The following ATP9B variants were observed in gnomAD, a reference collection of about 807,000 sequenced individuals.
The protein encoded by ATP9B is ATPase phospholipid transporting 9B, also known as probable phospholipid-transporting ATPase IIB.
In ATP9B, 110 loss-of-function variants were observed where a neutral mutation model predicts 146.1. The ratio of observed to expected loss-of-function variants is 0.75; its 90% CI spans 0.65 to 0.88. The LOEUF (loss-of-function observed/expected upper bound fraction) is 0.88, where lower values mean the gene tolerates loss of function less well. ATP9B is among the 40% of genes least tolerant of loss of function. The pLI is 0.00. For missense variants in ATP9B, 1,499 were observed against 1,496.4 expected, an observed-to-expected ratio of 1.00 and a Z score of -0.03; for synonymous variants, 604 against 569.7, an observed-to-expected ratio of 1.06 and a Z score of -0.86.
chr18:79,259,475 A>G lies in ATP9B; in HGVS notation c.1268+5934A>G, dbSNP rs558689733. On this transcript the variant is annotated intron_variant, in intron 12 of 29. Transcript: ENST00000426216. ...GCTAGAGGCAGAATGTTGTTTGACA[A>G]AGTGATAAAGGTGTTCCTTCTGAGA... Among the ~76,000 whole-genome samples the G allele has an allele frequency of 1.8e-4, 27 of 152,352 alleles. No individual in the cohort carries two copies. The South Asian group carries it at 2.5e-3, about 14-fold the overall frequency.
Position 79,344,250 on chromosome 18 carries a change from T to C in ATP9B, c.2383-15T>C. 6.2e-7 allele frequency: 1 copy of C among 1,611,708 alleles called. No individual in the cohort carries two copies. The highest frequency in any genetic ancestry group is 8.5e-7 in the Non-Finnish European group (1 of 1,177,868). On this transcript the variant is annotated splice_polypyrimidine_tract_variant and intron_variant, in intron 20 of 29. Transcript: ENST00000426216. ...CAACATTTTAATTTGGGATTCTTTT[T>C]CTCCCTTAATGGAGGTAACCAGTCG... is the stretch of plus-strand genomic sequence containing the variant.
At chr18:79,295,932 A>G (rs1436575342) in intron 13 of ATP9B, among the ~76,000 whole-genome samples, 1 of 152,226 alleles carries the variant, frequency 6.6e-6, no homozygotes, top group Non-Finnish European at 1.5e-5. Flanking sequence ...GAGCTATGAG[A>G]AGTAAATGTT....
chr18:79,293,367 A>T (rs944363667), intron 13 of ATP9B, among the ~76,000 whole-genome samples: 1 of 152,092 alleles, frequency 6.6e-6, no homozygotes, highest in Non-Finnish European at 1.5e-5. Flanking sequence ...GGCCGTTAAG[A>T]GGCAAGTGGG....
chr18:79,201,276 G>A (rs1251115662), intron 9 of ATP9B, among the ~76,000 whole-genome samples: 1 of 152,082 alleles, frequency 6.6e-6, no homozygotes, highest in South Asian at 2.1e-4. Context: ...TTTCAAAAAG[G>A]AAGAGAATAA....
intron 9 of ATP9B, among the ~76,000 whole-genome samples, chr18:79,206,387 G>A (rs948116899): frequency 1.3e-5 from 2 of 152,160 alleles, no homozygotes; most frequent in Non-Finnish European, 2.9e-5. Context: ...ACAAGAGATA[G>A]AGAGAGGAAA....
Position 79,193,179 on chromosome 18 carries a change from C to G in ATP9B, c.874-4C>G, listed in dbSNP as rs956829910. The G allele has an allele frequency of 3.1e-6, 5 of 1,591,420 alleles. No individual in the cohort carries two copies. Among genetic ancestry groups the G allele is most frequent in the Non-Finnish European group, 3.4e-6 (4 of 1,161,634 alleles). ...CTAATCGATTCAAATGTTCTGTATTCCAGGACCTTTTTTCTATCAGTGCTT... is the reference window on the plus strand; with the variant it reads ...CTAATCGATTCAAATGTTCTGTATTGCAGGACCTTTTTTCTATCAGTGCTT... On this transcript the variant is annotated splice_region_variant and splice_polypyrimidine_tract_variant and intron_variant, in intron 8 of 29. Coordinates refer to ENST00000426216, the MANE Select transcript of ATP9B (RefSeq NM_198531.5).
chr18:79,224,171 AG>A (rs2095707311), intron 11 of ATP9B, among the ~76,000 whole-genome samples: 1 of 152,240 alleles, frequency 6.6e-6, no homozygotes, highest in Non-Finnish European at 1.5e-5. Context: ...AATTTATTCA[AG>A]AAGCAAGTAT....
At chr18:79,099,623 T>A (rs2075104127) in intron 2 of ATP9B, among the ~76,000 whole-genome samples, 1 of 152,162 alleles carries the variant, frequency 6.6e-6, no homozygotes, top group Non-Finnish European at 1.5e-5. Flanking sequence ...CCTAGTTAAC[T>A]TTTTATAATT....
At chr18:79,196,867 C>G (rs150400264) in intron 9 of ATP9B, among the ~76,000 whole-genome samples, 27 of 152,238 alleles carry the variant, frequency 1.8e-4, no homozygotes, top group African/African-American at 5.8e-4. Flanking sequence ...AAGAAAGATG[C>G]TATAAGATAA....
chr18:79,269,381 T>C (rs2145518583), intron 12 of ATP9B, among the ~76,000 whole-genome samples: 1 of 152,356 alleles, frequency 6.6e-6, no homozygotes, highest in African/African-American at 2.4e-5. Context: ...GCTGTTAAAC[T>C]AAGGAATTTC....
At chr18:79,131,139 C>T (rs559271987) in intron 5 of ATP9B, among the ~76,000 whole-genome samples, 18 of 151,690 alleles carry the variant, frequency 1.2e-4, no homozygotes, top group Admixed American at 5.9e-4. Flanking sequence ...CCAGCCTGGG[C>T]GAAAGAGCAA....
chr18:79,186,074 T>C (rs1015641951), intron 8 of ATP9B, among the ~76,000 whole-genome samples: 4 of 152,200 alleles, frequency 2.6e-5, no homozygotes. Flanking sequence ...TTGGGAAATA[T>C]GTTTCTGGCT....
intron 10 of ATP9B, among the ~76,000 whole-genome samples, chr18:79,213,055 G>A (rs1032298165): frequency 6.6e-6 from 1 of 152,132 alleles, no homozygotes; most frequent in Non-Finnish European, 1.5e-5. Context: ...ACTTCAAAGA[G>A]CCTGTCTTAT....
At chr18:79,081,547 C>G (rs2073263126) in intron 1 of ATP9B, among the ~76,000 whole-genome samples, 1 of 150,946 alleles carries the variant, frequency 6.6e-6, no homozygotes, top group Non-Finnish European at 1.5e-5. Context: ...TTCAGCTAAT[C>G]TTTTCAAAAA....
At chr18:79,333,771 G>A (rs1207115234) in intron 17 of ATP9B, among the ~76,000 whole-genome samples, 5 of 152,318 alleles carry the variant, frequency 3.3e-5, no homozygotes, top group Admixed American at 6.5e-5. Context: ...CATTGCGGCC[G>A]TAGCTAAGTT....
intron 26 of ATP9B, chr18:79,372,584 G>A (rs531234258): frequency 1.4e-5 from 9 of 644,544 alleles, no homozygotes; most frequent in South Asian, 1.1e-4. Flanking sequence ...AGGTCAAACA[G>A]AAGACAACAT....
At chr18:79,070,901 C>G (rs2071662115) in intron 1 of ATP9B, among the ~76,000 whole-genome samples, 1 of 151,764 alleles carries the variant, frequency 6.6e-6, no homozygotes, top group African/African-American at 2.4e-5. Context: ...CTTGTTGGAT[C>G]TTATATTTTT....
intron 19 of ATP9B, among the ~76,000 whole-genome samples, chr18:79,339,655 T>C (rs956986207): frequency 2.7e-5 from 4 of 148,918 alleles, no homozygotes; most frequent in Non-Finnish European, 5.9e-5. Flanking sequence ...CATATCTGAC[T>C]GAGATCGTAG....
chr18:79,241,240 G>A (rs1209144605), intron 11 of ATP9B, among the ~76,000 whole-genome samples: 3 of 152,188 alleles, frequency 2.0e-5, no homozygotes, highest in East Asian at 3.9e-4. Flanking sequence ...TTTTCTCTGT[G>A]TAGAACATGG....
Sources: allele counts gnomAD v4.1 joint callset (sites outside exome capture counted in the v4.1 genomes callset), GRCh38; gene constraint gnomAD v4.1.1; transcripts MANE v1.5; gene names NCBI Gene and HGNC (gene_info 2026-07-23, HGNC 2026-07-21).